LZTR1: variants seen among roughly 807,000 people sequenced by gnomAD.
The protein encoded by LZTR1 is leucine zipper like post translational regulator 1.
LZTR1 carries 260 observed loss-of-function variants against 105.7 expected under a neutral mutation model. The observed-to-expected ratio is 2.46, with a 90% CI of 2.22 to 2.72. The LOEUF (loss-of-function observed/expected upper bound fraction) is 2.72. Among genes scored for constraint, LZTR1 ranks in the 30% most tolerant of loss-of-function variants. The probability of loss-of-function intolerance (pLI) is 0.00; values close to 1 mark genes in which losing one functional copy is unlikely to be tolerated. For synonymous variants in LZTR1, 490 were observed against 476.4 expected, an observed-to-expected ratio of 1.03 and a Z score of -0.37; for missense variants, 1,214 against 1,166.9, an observed-to-expected ratio of 1.04 and a Z score of -0.59.
At position 20,991,821 on chromosome 22, in the gene LZTR1, G is replaced by A. The variant is rs771851532; in HGVS notation, c.985G>A (p.Asp329Asn). 9 of 1,549,186 alleles carry A rather than the reference G, an allele frequency of 5.8e-6. No individual in the cohort carries two copies. Among genetic ancestry groups the A allele is most frequent in the African/African-American group, 2.7e-5 (2 of 73,020 alleles). The change falls in exon 9 of 21, where the codon GAC becomes AAC. Residue 329 changes from aspartate to asparagine, a missense_variant. Asp to Asn is a conservative substitution (Grantham distance 23, BLOSUM62 1). Transcript: ENST00000646124. ...CTGGGAGGTCGTCCAGCCCAGCTCC[G>A]ACAGCGAGGTGAGGGTGCCCAGGGG... ...QTWEVVQPSS[D>N]SEVGGAEVPE...
rs764455971 is a variant in LZTR1 at position 20,994,326 on chromosome 22, G to A, written c.1615+57G>A. The A allele has an allele frequency of 4.5e-6, 7 of 1,555,434 alleles. No individual in the cohort carries two copies. The South Asian group carries it at 6.9e-5, about 15-fold the overall frequency. ...TGTGGGCTGGGGTGCGGGCAGCAGA[G>A]CCAAAAGGTGGGTGCTGCCAGCCCT... On this transcript the variant is annotated intron_variant, in intron 14 of 20. Coordinates refer to ENST00000646124, the MANE Select transcript of LZTR1 (RefSeq NM_006767.4).
At chr22:20,994,365 GC>G (rs760430991) in intron 14 of LZTR1, 96 bp downstream of exon 14, 1 of 1,399,420 alleles carries the variant, frequency 7.1e-7, no homozygotes, top group Non-Finnish European at 9.7e-7. Context: ...TTACTGATGG[GC>G]CCCCTGAGGC....
chr22:20,997,290 A>C lies in LZTR1; in HGVS notation c.2465A>C (p.Asp822Ala), dbSNP rs1440272435. 1.2e-5 allele frequency: 20 copies of C among 1,613,302 alleles called. No homozygotes were observed. Among genetic ancestry groups the C allele is most frequent in the Non-Finnish European group, 1.7e-5 (20 of 1,179,916 alleles). Residue 822 changes from aspartate (D) to alanine (A), a missense_variant, in exon 21 of 21, where the codon GAC (aspartate) becomes GCC (alanine). Coordinates refer to ENST00000646124, the MANE Select transcript of LZTR1 (RefSeq NM_006767.4). Reference sequence around the variant, plus strand: ...CAGCAGCTGCTGCTGGACATCATAGACTCCCTGGCCTCCCACATCTCAGAC... The same window carrying C: ...CAGCAGCTGCTGCTGGACATCATAGCCTCCCTGGCCTCCCACATCTCAGAC... The part of the protein sequence containing the change: ...LSQQLLLDII[D>A]SLASHISDKQ...
intron 9 of LZTR1, 25 bp downstream of exon 9, chr22:20,991,854 A>G (rs1924620964): frequency 6.5e-7 from 1 of 1,533,934 alleles, no homozygotes; most frequent in Non-Finnish European, 8.8e-7. Flanking sequence ...GGGTGTCCTG[A>G]CCTGCCAGCT....
chr22:20,989,892 T>C (rs1345269557), intron 7 of LZTR1, among the ~76,000 whole-genome samples: 2 of 152,122 alleles, frequency 1.3e-5, no homozygotes, highest in Non-Finnish European at 2.9e-5. Flanking sequence ...CCTGGTGACC[T>C]GCGGGCCTTC....
At chr22:20,993,553 C>T (rs1336814639) in intron 11 of LZTR1, 109 bp from the exon 12 acceptor site, 2 of 855,352 alleles carry the variant, frequency 2.3e-6, no homozygotes, top group Non-Finnish European at 3.8e-6. Flanking sequence ...GCCTCCTGGG[C>T]CCTGAGGGTC....
Position 20,992,898 on chromosome 22 carries a change from G to A in LZTR1, c.1254G>A (p.Arg418=). The part of the protein sequence containing the change: ...DNNIRSGEMY[R]FQFSCYPKCT... ...ACATCCGCAGCGGGGAGATGTACAG[G>A]TTCCAGGTGTGGGGCCTGTGGGCCT... Residue 418 remains arginine, a synonymous_variant, in exon 11 of 21, where the codon AGG becomes AGA. Coordinates refer to ENST00000646124, the MANE Select transcript of LZTR1 (RefSeq NM_006767.4). The A allele has an allele frequency of 6.3e-7, 1 of 1,594,808 alleles. No homozygotes were observed. The highest frequency in any genetic ancestry group is 1.1e-5 in the South Asian group (1 of 88,854).
intron 2 of LZTR1, among the ~76,000 whole-genome samples, chr22:20,983,746 G>A (rs989429363): frequency 3.9e-5 from 6 of 152,174 alleles, no homozygotes; most frequent in Non-Finnish European, 7.4e-5. Context: ...GAGGATGGTG[G>A]GGTAGTCTGG....
At chr22:20,988,739 A>G in intron 5 of LZTR1, 50 bp from the exon 6 acceptor site, 4 of 1,408,590 alleles carry the variant, frequency 2.8e-6, no homozygotes, top group Non-Finnish European at 3.0e-6. Flanking sequence ...TGGGTGGCTC[A>G]GGTCTGTGCT....
chr22:20,998,049 TC>T lies in LZTR1; in HGVS notation c.*706del, dbSNP rs1924942445. 1 of 152,058 alleles carries T rather than the reference TC, an allele frequency of 6.6e-6. No homozygotes were observed. The highest frequency in any genetic ancestry group is 6.6e-5 in the Admixed American group (1 of 15,266). 9.4% of individuals were successfully genotyped at this position (152,058 alleles called of 1,614,324 possible). ...CTCGGCCGGGAAGAAGCCAGCAAAG[TC>T]CCCCGTGTCCCTTGCTGAGTATTCT... On this transcript the variant is annotated 3_prime_UTR_variant, in exon 21 of 21. Transcript: ENST00000646124.
rs1453611870 is a variant in LZTR1, at chr22:20,988,004, A to T, written c.401-6A>T. 6.5e-7 allele frequency: 1 copy of T among 1,539,466 alleles called. No homozygotes were observed. Among genetic ancestry groups the T allele is most frequent in the East Asian group, 2.2e-5 (1 of 44,530 alleles). ...GGTTTGACAGTTTCTCACTCTCTTT[A>T]CTCAGGGGGTTACACTGGGGACATT... On this transcript the variant is annotated splice_region_variant and splice_polypyrimidine_tract_variant and intron_variant, in intron 4 of 20. Coordinates refer to ENST00000646124, the MANE Select transcript of LZTR1 (RefSeq NM_006767.4).
rs371593909 is a variant in LZTR1, at chr22:20,992,283, C to G, written c.1063C>G (p.Arg355Gly). The change falls in exon 10 of 21, where the codon CGG (arginine) becomes GGG (glycine). Residue 355 changes from arginine (R) to glycine (G), a missense_variant. Arg to Gly is a moderately radical substitution (Grantham distance 125). Transcript: ENST00000646124. ...GGTGCCCACCCTGACCTATGAGGAG[C>G]GGGTTGGCTTCAAGAAGTCCCGAGA... ...EEVPTLTYEE[R>G]VGFKKSRDVF... 6.2e-7 allele frequency: 1 copy of G among 1,613,846 alleles called. No homozygotes were observed. Among genetic ancestry groups the G allele is most frequent in the Non-Finnish European group, 8.5e-7 (1 of 1,179,946 alleles).
chr22:20,992,958 G>A (rs901397488), intron 11 of LZTR1, 54 bp downstream of exon 11: 2 of 1,255,228 alleles, frequency 1.6e-6, no homozygotes, highest in Non-Finnish European at 2.2e-6. Flanking sequence ...CCCCCGTGAT[G>A]AGAAACTGAG....
chr22:20,989,653 C>T lies in LZTR1; in HGVS notation c.622C>T (p.Gln208Ter). The T allele has an allele frequency of 1.2e-6, 2 of 1,613,468 alleles. No homozygotes were observed. The highest frequency in any genetic ancestry group is 1.7e-6 in the Non-Finnish European group (2 of 1,179,952). The change falls in exon 7 of 21, where the codon CAG becomes TAG. Residue 208 changes from glutamine to a stop codon, truncating the protein, a stop_gained. Transcript: ENST00000646124. LOFTEE classifies it high-confidence loss of function. ...GAATGACATGTGGACAATTGGCCTC[C>T]AGGACCGAGAGCTCACCTGCTGGGA... is the stretch of plus-strand genomic sequence containing the variant. ...RLNDMWTIGL[Q>*]DRELTCWEEV...
intron 17 of LZTR1, 26 bp downstream of exon 17, chr22:20,995,898 A>G (rs774689156): frequency 1.5e-5 from 24 of 1,611,836 alleles, no homozygotes; most frequent in Non-Finnish European, 1.9e-5. Context: ...ACAGGAGGGG[A>G]GGGTGGGCCT....
rs1224744059 is a variant in LZTR1, at chr22:20,995,801, CTG to C, written c.2001_2002del (p.Cys667Ter). On this transcript the variant is annotated frameshift_variant, in exon 17 of 21. Coordinates refer to ENST00000646124, the MANE Select transcript of LZTR1 (RefSeq NM_006767.4). LOFTEE classifies it high-confidence loss of function. ...AYLEGAGAEF[C>X]DITLLLDGHP... ...ACCTGGAGGGAGCGGGCGCGGAATT[CTG>C]TGACATCACTCTGTTGCTTGACGGG... is the stretch of plus-strand genomic sequence containing the variant. 1.9e-6 allele frequency: 3 copies of C among 1,613,572 alleles called. No individual in the cohort carries two copies. The highest frequency in any genetic ancestry group is 1.3e-5 in the African/African-American group (1 of 75,006).
At chr22:20,990,654 GT>G in intron 8 of LZTR1, 129 bp downstream of exon 8, 1 of 1,003,492 alleles carries the variant, frequency 1.0e-6, no homozygotes, top group Non-Finnish European at 1.5e-6. Flanking sequence ...ACAGCAGGAG[GT>G]TACAGCCCGG....
intron 8 of LZTR1, 121 bp from the exon 9 acceptor site, chr22:20,991,507 C>A: frequency 1.3e-6 from 1 of 775,948 alleles, no homozygotes; most frequent in Non-Finnish European, 2.1e-6. Context: ...TCCCTCTGGA[C>A]CCTGGGCTAG....
In LZTR1 at chr22:20,993,956, T is replaced by C; in HGVS notation, c.1386T>C (p.Ile462=). Residue 462 remains isoleucine (I), a synonymous_variant, in exon 13 of 21, where the codon ATT becomes ATC. Coordinates refer to ENST00000646124, the MANE Select transcript of LZTR1 (RefSeq NM_006767.4). ...AGTGCGTGCAGGGCCACGTAGCCAT[T>C]GTCACAGCGCGGAGCCGCTGGCTTC... The part of the protein sequence containing the change: ...KEECVQGHVA[I]VTARSRWLRR... 2 of 1,612,842 alleles carry C rather than the reference T, an allele frequency of 1.2e-6. No individual in the cohort carries two copies. Among genetic ancestry groups the C allele is most frequent in the Middle Eastern group, 1.7e-4 (1 of 5,968 alleles).
Sources: allele counts gnomAD v4.1 joint callset (sites outside exome capture counted in the v4.1 genomes callset), GRCh38; gene constraint gnomAD v4.1.1; transcripts MANE v1.5; gene names NCBI Gene and HGNC (gene_info 2026-07-23, HGNC 2026-07-21).